The following LOC128462377 variants were observed in gnomAD, a reference collection of about 807,000 sequenced individuals.
chr16:89,369,523 C>T, the LOC128462377 span, among the ~76,000 whole-genome samples: 2 of 152,238 alleles, frequency 1.3e-5, no homozygotes, highest in African/African-American at 4.8e-5. Flanking sequence ...ACAGATTGTC[C>T]TTCACATGAA....
the LOC128462377 span, chr16:89,328,834 CAT>C: frequency 7.2e-6 from 1 of 139,590 alleles, no homozygotes; most frequent in African/African-American, 2.8e-5. Context: ...AGTGAGTGGA[CAT>C]ACCCAGGAGC....
At chr16:89,388,591 A>C in the LOC128462377 span, among the ~76,000 whole-genome samples, 1 of 152,160 alleles carries the variant, frequency 6.6e-6, no homozygotes, top group African/African-American at 2.4e-5. Context: ...ACTGGGAATA[A>C]GGATCACTGG....
the LOC128462377 span, among the ~76,000 whole-genome samples, chr16:89,388,396 C>T: frequency 6.6e-6 from 1 of 150,386 alleles, no homozygotes; most frequent in African/African-American, 2.5e-5. Flanking sequence ...TCCCAAAGTA[C>T]TGGGATTATA....
the LOC128462377 span, among the ~76,000 whole-genome samples, chr16:89,370,189 C>G: frequency 6.6e-6 from 1 of 152,230 alleles, no homozygotes; most frequent in African/African-American, 2.4e-5. Flanking sequence ...TGCCCTGGAG[C>G]TGGGGTGGAG....
chr16:89,334,170 A>AAAAAAAAAAAAC, the LOC128462377 span, among the ~76,000 whole-genome samples: 2 of 34,412 alleles, frequency 5.8e-5, 1 homozygote, highest in African/African-American at 1.6e-4. Flanking sequence ...AAAAAAAAAA[A>AAAAAAAAAAAAC]AAACAGAGAG....
At chr16:89,366,539 T>C in the LOC128462377 span, among the ~76,000 whole-genome samples, 1 of 152,202 alleles carries the variant, frequency 6.6e-6, no homozygotes, top group Non-Finnish European at 1.5e-5. Flanking sequence ...TGTGAGATGG[T>C]GTCTCGCTGT....
the LOC128462377 span, among the ~76,000 whole-genome samples, chr16:89,405,814 G>C: frequency 2.0e-5 from 3 of 152,084 alleles, no homozygotes; most frequent in African/African-American, 7.2e-5. Context: ...TCCTCACAAA[G>C]GATGCACTGC....
At chr16:89,409,011 A>G in the LOC128462377 span, among the ~76,000 whole-genome samples, 1 of 152,194 alleles carries the variant, frequency 6.6e-6, no homozygotes, top group Non-Finnish European at 1.5e-5. Flanking sequence ...CTCTGGGAGC[A>G]AAACCAAAAA....
At chr16:89,413,968 G>T in the LOC128462377 span, among the ~76,000 whole-genome samples, 1 of 152,054 alleles carries the variant, frequency 6.6e-6, no homozygotes, top group South Asian at 2.1e-4. Flanking sequence ...CACAGCAACA[G>T]CAAGCGGAGG....
chr16:89,323,283 A>AG, the LOC128462377 span: 1 of 1,288,724 alleles, frequency 7.8e-7, no homozygotes, highest in South Asian at 1.2e-5. Context: ...TACTGTGTGC[A>AG]AAGCCCTTGA....
At chr16:89,394,542 C>T in the LOC128462377 span, among the ~76,000 whole-genome samples, 7 of 151,898 alleles carry the variant, frequency 4.6e-5, no homozygotes, top group African/African-American at 1.2e-4. Context: ...GCAGGAGAAT[C>T]GCTTGAACCC....
chr16:89,371,473 C>A, the LOC128462377 span, among the ~76,000 whole-genome samples: 3 of 152,230 alleles, frequency 2.0e-5, no homozygotes, highest in African/African-American at 7.2e-5. Flanking sequence ...ACGCCAGCAG[C>A]TTCTCTCTGG....
the LOC128462377 span, among the ~76,000 whole-genome samples, chr16:89,393,316 T>TTA: frequency 5.7e-5 from 8 of 139,522 alleles, no homozygotes; most frequent in African/African-American, 2.2e-4. Context: ...TTATTTTTAT[T>TTA]TTTTTTTTTT....
chr16:89,347,472 G>GT, the LOC128462377 span, among the ~76,000 whole-genome samples: 1 of 152,080 alleles, frequency 6.6e-6, no homozygotes, highest in Non-Finnish European at 1.5e-5. Context: ...TTAGCCGGGC[G>GT]TGGTGGCAGG....
the LOC128462377 span, among the ~76,000 whole-genome samples, chr16:89,404,826 G>C: frequency 6.6e-6 from 1 of 152,230 alleles, no homozygotes; most frequent in African/African-American, 2.4e-5. Flanking sequence ...ATGCCACCTT[G>C]ACGCTGAATG....
At chr16:89,374,511 G>A in the LOC128462377 span, among the ~76,000 whole-genome samples, 16 of 152,324 alleles carry the variant, frequency 1.1e-4, 1 homozygote, top group South Asian at 3.1e-3. Context: ...TGCTCTGTGA[G>A]AGAATTCAGA....
chr16:89,405,090 C>T, the LOC128462377 span, among the ~76,000 whole-genome samples: 4 of 152,084 alleles, frequency 2.6e-5, no homozygotes, highest in South Asian at 2.1e-4. Flanking sequence ...CACAGGACAA[C>T]TGCCCACACC....
the LOC128462377 span, among the ~76,000 whole-genome samples, chr16:89,365,999 G>A: frequency 2.0e-5 from 3 of 151,918 alleles, no homozygotes; most frequent in African/African-American, 7.3e-5. Flanking sequence ...TTAAGGATAA[G>A]GGCCTCCAGG....
At chr16:89,364,111 GA>G in the LOC128462377 span, among the ~76,000 whole-genome samples, 1 of 151,800 alleles carries the variant, frequency 6.6e-6, no homozygotes, top group Non-Finnish European at 1.5e-5. Flanking sequence ...AGAAAAGGAA[GA>G]AAAAAAAGAC....
Sources: allele counts gnomAD v4.1 joint callset (sites outside exome capture counted in the v4.1 genomes callset), GRCh38; gene constraint gnomAD v4.1.1; transcripts MANE v1.5.